Variants in MRPL30 observed in about 807,000 individuals in gnomAD.
The protein encoded by MRPL30 is mitochondrial ribosomal protein L30.
MRPL30 carries 10 observed loss-of-function variants against 17.2 expected under a neutral mutation model. The observed-to-expected ratio is 0.58, with a 90% CI of 0.36 to 0.99. The LOEUF is 0.99. Ranked by LOEUF, MRPL30 falls within the 50% of genes least tolerant of loss-of-function variation. The pLI is 0.01. For missense variants in MRPL30, 170 were observed against 189.8 expected (o/e 0.90, Z 0.61); for synonymous variants, 61 against 62.1 (o/e 0.98, Z 0.08).
At chr2:99,193,254 C>G (rs1052975188) in intron 3 of MRPL30, among the ~76,000 whole-genome samples, 10 of 152,106 alleles carry the variant, frequency 6.6e-5, no homozygotes, top group African/African-American at 2.4e-4. Flanking sequence ...TAGAGAAATG[C>G]AAATCAAAAC....
intron 1 of MRPL30, among the ~76,000 whole-genome samples, chr2:99,181,550 T>C (rs2093921673): frequency 1.3e-5 from 2 of 151,774 alleles, no homozygotes; most frequent in East Asian, 3.9e-4. Context: ...AGCAGCATTT[T>C]CTGTGCTGCT....
intron 1 of MRPL30, among the ~76,000 whole-genome samples, chr2:99,183,674 A>G (rs1206769245): frequency 6.6e-6 from 1 of 152,184 alleles, no homozygotes; most frequent in Admixed American, 6.5e-5. Flanking sequence ...TTAGATTTTC[A>G]AAGAAGTTGT....
intron 2 of MRPL30, 45 bp downstream of exon 2, chr2:99,186,299 A>ATT: frequency 2.7e-6 from 4 of 1,480,676 alleles, no homozygotes; most frequent in South Asian, 1.2e-5. Context: ...CCCCTTATGA[A>ATT]TTTTTTTTTT....
chr2:99,192,924 C>A (rs1406648455), intron 3 of MRPL30, among the ~76,000 whole-genome samples: 2 of 152,142 alleles, frequency 1.3e-5, no homozygotes, highest in Non-Finnish European at 2.9e-5. Context: ...TGGGCAAAGC[C>A]TTCATGACTA....
rs930789394 is a variant in MRPL30 at position 99,197,669 on chromosome 2, C to G, written c.*1964C>G. On this transcript the variant is annotated 3_prime_UTR_variant, in exon 6 of 6. Coordinates refer to ENST00000338148, the MANE Select transcript of MRPL30 (RefSeq NM_145212.4). ...ATTTTTTTTTCTTTAGAGACAGGGT[C>G]TCACTCTGTCGCCCAGCCTGGAGGG... 6.6e-5 allele frequency: 10 copies of G among 152,220 alleles called. No individual in the cohort carries two copies. Among genetic ancestry groups the G allele is most frequent in the Admixed American group, 5.2e-4 (8 of 15,260 alleles). 9.4% of individuals were successfully genotyped at this position (152,220 alleles called of 1,614,324 possible).
intron 3 of MRPL30, among the ~76,000 whole-genome samples, chr2:99,192,773 A>G (rs970092949): frequency 3.3e-5 from 5 of 152,334 alleles, no homozygotes; most frequent in South Asian, 2.1e-4. Context: ...GCTGAGTCCA[A>G]TGGTATTTCT....
intron 1 of MRPL30, among the ~76,000 whole-genome samples, chr2:99,183,240 G>A (rs2093928605): frequency 6.6e-6 from 1 of 152,124 alleles, no homozygotes; most frequent in Non-Finnish European, 1.5e-5. Context: ...GGGGAAGGTT[G>A]GTAGTGCTGT....
chr2:99,191,222 G>T (rs955209915), intron 3 of MRPL30, among the ~76,000 whole-genome samples: 1 of 152,052 alleles, frequency 6.6e-6, no homozygotes, highest in Non-Finnish European at 1.5e-5. Flanking sequence ...GGCCAGGATG[G>T]TCTTGATCTC....
chr2:99,192,359 A>G (rs977436146), intron 3 of MRPL30, among the ~76,000 whole-genome samples: 1 of 152,104 alleles, frequency 6.6e-6, no homozygotes. Context: ...TGCTGCACCT[A>G]TCAACCCGTC....
chr2:99,191,849 T>C (rs1279186932), intron 3 of MRPL30, among the ~76,000 whole-genome samples: 1 of 152,188 alleles, frequency 6.6e-6, no homozygotes, highest in African/African-American at 2.4e-5. Context: ...TGCATTACTT[T>C]TCGTGCTTTT....
rs1046183803 is a variant in MRPL30 at position 99,195,795 on chromosome 2, A to T, written c.*90A>T. 6.3e-7 allele frequency: 1 copy of T among 1,582,950 alleles called. No individual in the cohort carries two copies. Among genetic ancestry groups the T allele is most frequent in the Admixed American group, 1.8e-5 (1 of 54,878 alleles). The stretch of plus-strand genomic sequence containing the variant: ...TTCATTAAAATATGTTTTCAAAACC[A>T]TTTTCAGGCCGGGCACGGTGGCTCA... On this transcript the variant is annotated 3_prime_UTR_variant, in exon 6 of 6. Coordinates refer to ENST00000338148, the MANE Select transcript of MRPL30 (RefSeq NM_145212.4).
intron 1 of MRPL30, among the ~76,000 whole-genome samples, chr2:99,185,404 G>A (rs1027208906): frequency 6.6e-6 from 1 of 152,138 alleles, no homozygotes; most frequent in Admixed American, 6.5e-5. Context: ...TCATTTGCAA[G>A]ACAGGTATTT....
intron 1 of MRPL30, among the ~76,000 whole-genome samples, chr2:99,185,504 A>C (rs980307886): frequency 3.9e-5 from 6 of 152,224 alleles, no homozygotes; most frequent in African/African-American, 1.4e-4. Flanking sequence ...TCTTTCTGCT[A>C]TCAGTATAAG....
rs1013765726 is a variant in MRPL30 at position 99,198,822 on chromosome 2, A to G, written c.*3117A>G. 1.3e-5 allele frequency among the ~76,000 whole-genome samples: 2 copies of G among 152,150 alleles called. No homozygotes were observed. The highest frequency in any genetic ancestry group is 4.8e-5 in the African/African-American group (2 of 41,440). On this transcript the variant is annotated 3_prime_UTR_variant, in exon 6 of 6. Transcript: ENST00000338148. ...CTTCTTTCAGGAGGTTTTGCCTGAC[A>G]TCTGGTGGTGACCGTGGCCACCAAG...
intron 1 of MRPL30, 102 bp from the exon 2 acceptor site, chr2:99,186,075 T>G (rs1037707364): frequency 1.4e-6 from 1 of 701,830 alleles, no homozygotes. Flanking sequence ...ACTGTTAAGT[T>G]TACAATTAAT....
At chr2:99,186,033 G>A in intron 1 of MRPL30, 144 bp from the exon 2 acceptor site, 1 of 582,782 alleles carries the variant, frequency 1.7e-6, no homozygotes, top group Non-Finnish European at 3.1e-6. Context: ...ATTAATTCGT[G>A]CCCTTATTAT....
chr2:99,198,655 TATC>T lies in MRPL30; in HGVS notation c.*2953_*2955del, dbSNP rs1402364428. Among the ~76,000 whole-genome samples the T allele has an allele frequency of 6.6e-6, 1 of 152,202 alleles. No individual in the cohort carries two copies. The highest frequency in any genetic ancestry group is 1.5e-5 in the Non-Finnish European group (1 of 68,032). Reference sequence around the variant, plus strand: ...AACCTGAAAAGTCAATCCTGGACCTTATCATAGTGGCTGTATAGTTTAGAAGGT... The same window carrying T: ...AACCTGAAAAGTCAATCCTGGACCTTATAGTGGCTGTATAGTTTAGAAGGT... On this transcript the variant is annotated 3_prime_UTR_variant, in exon 6 of 6. Coordinates refer to ENST00000338148, the MANE Select transcript of MRPL30 (RefSeq NM_145212.4).
intron 3 of MRPL30, among the ~76,000 whole-genome samples, chr2:99,188,793 C>T (rs1024732547): frequency 2.0e-5 from 3 of 152,118 alleles, no homozygotes; most frequent in African/African-American, 7.2e-5. Flanking sequence ...CTCCGTCTCC[C>T]GGGTTCAAAC....
rs1251005227 is a variant in MRPL30, at chr2:99,197,700, G to A, written c.*1995G>A. On this transcript the variant is annotated 3_prime_UTR_variant, in exon 6 of 6. Coordinates refer to ENST00000338148, the MANE Select transcript of MRPL30 (RefSeq NM_145212.4). ...CTGTCGCCCAGCCTGGAGGGCAGTG[G>A]TGTGATCGTAGCTCACTATTACCTC... 2 of 152,858 alleles carry A rather than the reference G, an allele frequency of 1.3e-5. No individual in the cohort carries two copies. Among genetic ancestry groups the A allele is most frequent in the African/African-American group, 4.8e-5 (2 of 41,460 alleles). The allele number at this position is 152,858 out of a possible 1,614,324, so 9.5% of individuals were successfully genotyped here.
Sources: allele counts gnomAD v4.1 joint callset (sites outside exome capture counted in the v4.1 genomes callset), GRCh38; gene constraint gnomAD v4.1.1; transcripts MANE v1.5; gene names NCBI Gene and HGNC (gene_info 2026-07-23, HGNC 2026-07-21).